Variants in MAP4K4 observed in about 807,000 individuals in gnomAD.
MAP4K4 encodes HPK/GCK-like kinase HGK.
A neutral mutation model predicts 189.6 loss-of-function variants in MAP4K4; 38 were observed. That is an observed-to-expected ratio of 0.20 (90% CI 0.15 to 0.26). The LOEUF (loss-of-function observed/expected upper bound fraction) is 0.26, where lower values mean the gene tolerates loss of function less well. Ranked by LOEUF, MAP4K4 falls within the 10% of genes least tolerant of loss-of-function variation. MAP4K4 has a pLI of 1.00. For synonymous variants in MAP4K4, 610 were observed against 624.3 expected (o/e 0.98, Z 0.34); for missense variants, 1,054 against 1,726.9 (o/e 0.61, Z 6.91).
chr2:101,778,267 G>A (rs1296956951), intron 2 of MAP4K4, among the ~76,000 whole-genome samples: 1 of 151,140 alleles, frequency 6.6e-6, no homozygotes, highest in Non-Finnish European at 1.5e-5. Flanking sequence ...CAGTTCCGTA[G>A]GGCTGTGAGT....
chr2:101,790,864 A>G, intron 3 of MAP4K4, 88 bp downstream of exon 3: 1 of 1,150,270 alleles, frequency 8.7e-7, no homozygotes, highest in Non-Finnish European at 1.3e-6. Context: ...CTGTTTGGAA[A>G]ATCTGATTAC....
chr2:101,797,695 A>C (rs2093866706), intron 3 of MAP4K4, among the ~76,000 whole-genome samples: 1 of 152,046 alleles, frequency 6.6e-6, no homozygotes, highest in Non-Finnish European at 1.5e-5. Flanking sequence ...GGTATAAGAC[A>C]AGACCTTGAA....
At chr2:101,870,633 G>A (rs2097966685) in intron 23 of MAP4K4, 2 of 539,436 alleles carry the variant, frequency 3.7e-6, no homozygotes, top group Admixed American at 3.3e-5. Flanking sequence ...CTGCTCCTCT[G>A]CATGTCTGCG....
intron 11 of MAP4K4, 78 bp from the exon 12 acceptor site, chr2:101,844,023 A>G (rs1186092938): frequency 9.9e-6 from 9 of 906,964 alleles, no homozygotes; most frequent in Non-Finnish European, 1.4e-5. Context: ...GAAATGGGAT[A>G]ATATGCTGGT....
chr2:101,851,721 C>A (rs2097289303), intron 12 of MAP4K4, among the ~76,000 whole-genome samples: 1 of 92,866 alleles, frequency 1.1e-5, no homozygotes, highest in African/African-American at 3.9e-5. Flanking sequence ...TGGTAACTGT[C>A]CTCTTTTTTT....
At chr2:101,883,024 A>G (rs2098424425) in intron 28 of MAP4K4, among the ~76,000 whole-genome samples, 1 of 152,188 alleles carries the variant, frequency 6.6e-6, no homozygotes, top group South Asian at 2.1e-4. Flanking sequence ...GATGTGGTTC[A>G]CAGTAACCTC....
intron 9 of MAP4K4, among the ~76,000 whole-genome samples, chr2:101,836,575 C>G (rs893884767): frequency 1.3e-5 from 2 of 151,214 alleles, no homozygotes; most frequent in African/African-American, 2.4e-5. Context: ...GTAACAAGAG[C>G]GAAACTCTGT....
chr2:101,868,345 C>T (rs1054769799), intron 21 of MAP4K4, among the ~76,000 whole-genome samples: 9 of 152,128 alleles, frequency 5.9e-5, no homozygotes, highest in Admixed American at 3.3e-4. Context: ...GAAACATTCT[C>T]AACTATGAAG....
chr2:101,737,447 ATATATATATATATATTT>A (rs2060737341), intron 2 of MAP4K4, among the ~76,000 whole-genome samples: 1 of 33,484 alleles, frequency 3.0e-5, no homozygotes, highest in Non-Finnish European at 4.8e-5. Flanking sequence ...ATATATATAT[ATATATATATATATATTT>A]TTTTTTTTTT....
chr2:101,860,115 A>G, intron 15 of MAP4K4: 1 of 551,816 alleles, frequency 1.8e-6, no homozygotes, highest in South Asian at 2.1e-5. Flanking sequence ...TTGAAACTGA[A>G]CTAAACTAAA....
At chr2:101,841,853 G>T (rs919302160) in intron 10 of MAP4K4, among the ~76,000 whole-genome samples, 3 of 152,094 alleles carry the variant, frequency 2.0e-5, no homozygotes, top group African/African-American at 7.2e-5. Flanking sequence ...CTGGTTTTTT[G>T]ATTGATTTCT....
intron 3 of MAP4K4, among the ~76,000 whole-genome samples, chr2:101,804,099 C>T (rs1176395527): frequency 2.0e-5 from 3 of 152,168 alleles, no homozygotes; most frequent in Non-Finnish European, 4.4e-5. Flanking sequence ...GGTGAATGAA[C>T]AGCCCGTCTG....
chr2:101,718,634 T>C (rs2049956114), intron 2 of MAP4K4, among the ~76,000 whole-genome samples: 2 of 142,872 alleles, frequency 1.4e-5, no homozygotes, highest in Non-Finnish European at 3.1e-5. Context: ...GGTGGATGGG[T>C]TAAGGGTGGG....
At chr2:101,726,854 A>G (rs886889987) in intron 2 of MAP4K4, among the ~76,000 whole-genome samples, 22 of 152,140 alleles carry the variant, frequency 1.4e-4, no homozygotes, top group Non-Finnish European at 2.5e-4. Flanking sequence ...AAGAAAAGGG[A>G]TTTGTATCTT....
At chr2:101,893,405 T>G (rs2098595600) in exon 33 of MAP4K4, 2 of 361,926 alleles carry the variant, frequency 5.5e-6, no homozygotes, top group African/African-American at 2.1e-5. Context: ...AATCCTACCT[T>G]TAAAGGGATT....
chr2:101,726,532 G>T (rs946063303), intron 2 of MAP4K4, among the ~76,000 whole-genome samples: 2 of 152,194 alleles, frequency 1.3e-5, no homozygotes, highest in African/African-American at 2.4e-5. Flanking sequence ...TGAGTTAGTT[G>T]CAGGCCTCTG....
At chr2:101,870,506 C>T in intron 23 of MAP4K4, 91 bp downstream of exon 23, 1 of 1,528,966 alleles carries the variant, frequency 6.5e-7, no homozygotes, top group Non-Finnish European at 8.9e-7. Flanking sequence ...GTTTCTCCAT[C>T]ATCATCTGTT....
intron 2 of MAP4K4, among the ~76,000 whole-genome samples, chr2:101,771,633 A>C (rs1435005727): frequency 6.6e-6 from 1 of 151,914 alleles, no homozygotes; most frequent in African/African-American, 2.4e-5. Context: ...TGTTAAATCC[A>C]CTCTATTCTT....
Position 101,823,783 on chromosome 2 carries a change from C to G in MAP4K4, c.181-145C>G. 4.8e-6 allele frequency: 3 copies of G among 623,422 alleles called. No homozygotes were observed. In the Middle Eastern group the frequency reaches 1.4e-3, roughly 289 times the overall value. The allele number at this position is 623,422 out of a possible 1,614,324, so 38.6% of individuals were successfully genotyped here. On this transcript the variant is annotated intron_variant, in intron 3 of 32. Transcript: ENST00000324219. Reference sequence around the variant, plus strand: ...AGTCCTCTAAGGTTCCTGTTCTTGGCACAAGGATAAAGTGAATGTATATGT... The same window carrying G: ...AGTCCTCTAAGGTTCCTGTTCTTGGGACAAGGATAAAGTGAATGTATATGT...
Sources: allele counts gnomAD v4.1 joint callset (sites outside exome capture counted in the v4.1 genomes callset), GRCh38; gene constraint gnomAD v4.1.1; transcripts MANE v1.5; gene names NCBI Gene and HGNC (gene_info 2026-07-23, HGNC 2026-07-21).